GPC6: variants seen among roughly 807,000 people sequenced by gnomAD.
GPC6 encodes the protein glypican-6.
A neutral mutation model predicts 55.2 loss-of-function variants in GPC6; 14 were observed. That is an observed-to-expected ratio of 0.25 (90% CI 0.17 to 0.40). The LOEUF is 0.40. Among genes scored for constraint, GPC6 ranks in the 10% least tolerant of loss-of-function variants. GPC6 has a pLI of 1.00. For missense variants in GPC6, 641 were observed against 708.5 expected (o/e 0.90, Z 1.08); for synonymous variants, 278 against 259.6 (o/e 1.07, Z -0.68).
intron 4 of GPC6, among the ~76,000 whole-genome samples, chr13:94,096,898 C>T (rs1311245139): frequency 6.6e-6 from 1 of 152,142 alleles, no homozygotes; most frequent in African/African-American, 2.4e-5. Flanking sequence ...AATTCATCTG[C>T]TCTTGGCTGC....
chr13:93,946,312 T>C (rs552736990), intron 3 of GPC6, among the ~76,000 whole-genome samples: 94 of 152,316 alleles, frequency 6.2e-4, no homozygotes, highest in African/African-American at 2.0e-3. Flanking sequence ...AGTTTATTTT[T>C]GTAGACATGA....
At chr13:93,841,535 C>T (rs1411803714) in intron 3 of GPC6, among the ~76,000 whole-genome samples, 2 of 151,540 alleles carry the variant, frequency 1.3e-5, no homozygotes, top group African/African-American at 4.9e-5. Flanking sequence ...AATGTTGAAA[C>T]TCTACATTTT....
intron 4 of GPC6, among the ~76,000 whole-genome samples, chr13:94,031,273 T>C (rs2138725735): frequency 1.3e-5 from 2 of 152,336 alleles, no homozygotes; most frequent in Middle Eastern, 6.8e-3. Context: ...CATTTTTACA[T>C]GAAGAACTTT....
In GPC6 at chr13:94,212,279, C is replaced by CT. The variant is rs534658136; in HGVS notation, c.878-74069dup. ...CAATATATATGAGAAGCTTGGCCTG[C>CT]TATGGTAGTCTGTGACAGCTAAAGC... is the stretch of plus-strand genomic sequence containing the variant. On this transcript the variant is annotated intron_variant, in intron 4 of 8. Coordinates refer to ENST00000377047, the MANE Select transcript of GPC6 (RefSeq NM_005708.5). Among the ~76,000 whole-genome samples the CT allele has an allele frequency of 4.1e-3, 629 of 152,224 alleles. 4 individuals carry two copies. Among genetic ancestry groups the CT allele is most frequent in the Non-Finnish European group, 6.8e-3 (465 of 68,012 alleles).
intron 4 of GPC6, among the ~76,000 whole-genome samples, chr13:94,243,645 TA>T (rs1891118933): frequency 6.6e-6 from 1 of 152,116 alleles, no homozygotes; most frequent in Non-Finnish European, 1.5e-5. Context: ...CTCCCCCTTT[TA>T]AAACTGCATG....
At chr13:93,361,329 G>A (rs1461715587) in intron 1 of GPC6, among the ~76,000 whole-genome samples, 1 of 152,098 alleles carries the variant, frequency 6.6e-6, no homozygotes, top group Admixed American at 6.6e-5. Context: ...TTAGGCAAAA[G>A]TTGCAAAGCA....
chr13:93,227,700 C>G lies in GPC6; in HGVS notation c.160+84C>G, dbSNP rs550203651. 8.9e-7 allele frequency: 1 copy of G among 1,123,458 alleles called. No homozygotes were observed. The highest frequency in any genetic ancestry group is 2.2e-5 in the Admixed American group (1 of 45,728). 69.6% of individuals were successfully genotyped at this position (1,123,458 alleles called of 1,614,324 possible). A position where few individuals can be genotyped will look rare whatever the true frequency, so the allele number is the denominator to read the frequency against. ...GGCCGCCCGGCGTCCCCTTCCTTCC[C>G]CCTGTTGCTGAGTTGGTGCTCACTT... On this transcript the variant is annotated intron_variant, in intron 1 of 8. Coordinates refer to ENST00000377047, the MANE Select transcript of GPC6 (RefSeq NM_005708.5). This position sits in a 1 kb window ranked among gnomAD's most constrained non-coding sequence, Gnocchi z 4.3.
chr13:93,703,198 G>A (rs1243465195), intron 2 of GPC6, among the ~76,000 whole-genome samples: 1 of 151,796 alleles, frequency 6.6e-6, no homozygotes, highest in Non-Finnish European at 1.5e-5. Context: ...CGGGGACTAG[G>A]GAGACCTGAG....
chr13:93,905,162 G>A (rs1256494232), intron 3 of GPC6, among the ~76,000 whole-genome samples: 2 of 149,870 alleles, frequency 1.3e-5, no homozygotes, highest in Non-Finnish European at 3.0e-5. Flanking sequence ...TTTAGAATAA[G>A]TAGGGATGAT....
chr13:94,246,144 G>C (rs376547521), intron 4 of GPC6, among the ~76,000 whole-genome samples: 34 of 151,872 alleles, frequency 2.2e-4, no homozygotes, highest in African/African-American at 8.2e-4. Flanking sequence ...GTGCCTGATG[G>C]CCATTTTTAT....
chr13:94,206,594 C>G (rs914487171), intron 4 of GPC6, among the ~76,000 whole-genome samples: 1 of 152,124 alleles, frequency 6.6e-6, no homozygotes, highest in Non-Finnish European at 1.5e-5. Context: ...CAGCTCACAC[C>G]TGTAATCCTA....
chr13:93,675,612 T>A (rs578251641), intron 2 of GPC6, among the ~76,000 whole-genome samples: 1 of 152,302 alleles, frequency 6.6e-6, no homozygotes, highest in East Asian at 1.9e-4. Context: ...TTTTAGTTCA[T>A]TTGTTGAAAA....
chr13:93,705,604 A>T (rs1296031790), intron 2 of GPC6, among the ~76,000 whole-genome samples: 1 of 151,816 alleles, frequency 6.6e-6, no homozygotes, highest in Non-Finnish European at 1.5e-5. Flanking sequence ...ATTTTGCAAG[A>T]TAGATGAGCC....
chr13:94,046,838 A>G (rs1048381668), intron 4 of GPC6, among the ~76,000 whole-genome samples: 1 of 152,260 alleles, frequency 6.6e-6, no homozygotes, highest in African/African-American at 2.4e-5. Context: ...CTCATTAGTT[A>G]AAAGGTACCT....
chr13:93,891,959 A>G (rs954395199), intron 3 of GPC6, among the ~76,000 whole-genome samples: 9 of 151,928 alleles, frequency 5.9e-5, no homozygotes, highest in African/African-American at 2.2e-4. Flanking sequence ...GTATATATAT[A>G]AAAATTGTCA....
chr13:94,181,633 G>A (rs1889001592), intron 4 of GPC6, among the ~76,000 whole-genome samples: 1 of 152,174 alleles, frequency 6.6e-6, no homozygotes, highest in Non-Finnish European at 1.5e-5. Context: ...AGCAAAATGT[G>A]TCTATCTCTG....
chr13:94,354,168 A>G (rs73551891), intron 6 of GPC6, among the ~76,000 whole-genome samples: 1,770 of 152,188 alleles, frequency 0.012, 33 homozygotes, highest in African/African-American at 0.04. Context: ...CCACATGCTC[A>G]TCTAGTCAAA....
rs1166699046 is a variant in GPC6 at position 93,227,840 on chromosome 13, C to G, written c.160+224C>G. 6.6e-6 allele frequency among the ~76,000 whole-genome samples: 1 copy of G among 152,158 alleles called. No homozygotes were observed. Among genetic ancestry groups the G allele is most frequent in the Non-Finnish European group, 1.5e-5 (1 of 68,014 alleles). ...GCCTCATTGTGTGCACACGCGGGAG[C>G]ACCCTGGCTCCCGCCTCCCGCTGCT... On this transcript the variant is annotated intron_variant, in intron 1 of 8. Coordinates refer to ENST00000377047, the MANE Select transcript of GPC6 (RefSeq NM_005708.5). The surrounding 1 kb of genome is among the most constrained non-coding windows in gnomAD (Gnocchi z 4.3).
chr13:94,256,553 A>G (rs933939778), intron 4 of GPC6, among the ~76,000 whole-genome samples: 3 of 152,150 alleles, frequency 2.0e-5, no homozygotes, highest in African/African-American at 4.8e-5. Context: ...CTGTCCTCCC[A>G]TCTCCATCAT....
Sources: allele counts gnomAD v4.1 joint callset (sites outside exome capture counted in the v4.1 genomes callset), GRCh38; gene constraint gnomAD v4.1.1; non-coding constraint Gnocchi (gnomAD v3.1); transcripts MANE v1.5; gene names NCBI Gene and HGNC (gene_info 2026-07-23, HGNC 2026-07-21).